Variants in PSAP observed in about 807,000 individuals in gnomAD.
PSAP encodes precursor of saposins.
PSAP carries 25 observed loss-of-function variants against 66.0 expected under a neutral mutation model. The ratio of observed to expected loss-of-function variants is 0.38; its 90% CI spans 0.28 to 0.53. PSAP has a LOEUF of 0.53. PSAP is among the 20% of genes least tolerant of loss of function. PSAP has a pLI of 0.83. For missense variants in PSAP, 649 were observed against 668.8 expected (o/e 0.97, Z 0.33); for synonymous variants, 273 against 258.9 (o/e 1.05, Z -0.52).
rs2133031103 is a variant in PSAP, at chr10:71,819,612, A to T, written c.1203T>A (p.Thr401=). 6.2e-7 allele frequency: 1 copy of T among 1,614,208 alleles called. No individual in the cohort carries two copies. Among genetic ancestry groups the T allele is most frequent in the Non-Finnish European group, 8.5e-7 (1 of 1,180,044 alleles). ...CGCAGAAGCCACCGTCCTTTGGCTG[A>T]GTCACGTGAACTACATAAGAGGGCA... ...TRLPALTVHV[T]QPKDGGFCEV... is the part of the protein sequence containing the mutation. The change falls in exon 11 of 14, where the codon ACT becomes ACA. Residue 401 remains threonine (T), a synonymous_variant. Coordinates refer to ENST00000394936, the MANE Select transcript of PSAP (RefSeq NM_002778.4).
chr10:71,825,934 C>G (rs1249411527), intron 6 of PSAP, 41 bp from the exon 7 acceptor site: 1 of 1,566,770 alleles, frequency 6.4e-7, no homozygotes, highest in Admixed American at 1.7e-5. Flanking sequence ...ATCACTGCAA[C>G]AATGCACCAA....
At chr10:71,835,088 A>G (rs1037081303) in intron 1 of PSAP, among the ~76,000 whole-genome samples, 1 of 152,098 alleles carries the variant, frequency 6.6e-6, no homozygotes, top group African/African-American at 2.4e-5. Context: ...TACAAAAAAA[A>G]ACAATTAGCC....
intron 13 of PSAP, among the ~76,000 whole-genome samples, chr10:71,817,928 CT>C (rs1842208719): frequency 6.6e-6 from 1 of 152,236 alleles, no homozygotes; most frequent in South Asian, 2.1e-4. Context: ...TGGAGATGGG[CT>C]GGAGCCTAGC....
intron 6 of PSAP, among the ~76,000 whole-genome samples, chr10:71,827,151 C>T (rs1391618155): frequency 2.0e-5 from 3 of 151,948 alleles, no homozygotes. Context: ...AATCCCAGCA[C>T]TTTGGGAGGC....
chr10:71,836,245 G>A (rs1842626163), intron 1 of PSAP, among the ~76,000 whole-genome samples: 1 of 152,186 alleles, frequency 6.6e-6, no homozygotes, highest in Non-Finnish European at 1.5e-5. Context: ...GAAAACATGT[G>A]CCAGATGCAA....
chr10:71,835,948 C>T (rs1021003618), intron 1 of PSAP, among the ~76,000 whole-genome samples: 3 of 152,028 alleles, frequency 2.0e-5, no homozygotes, highest in African/African-American at 4.8e-5. Context: ...ATAGGAAACA[C>T]GTGTTGTATA....
intron 5 of PSAP, 77 bp downstream of exon 5, chr10:71,828,800 T>C: frequency 6.6e-7 from 1 of 1,517,264 alleles, no homozygotes; most frequent in Non-Finnish European, 9.1e-7. Context: ...GAACCACACG[T>C]GCCCTCTCTG....
rs755445146 is a variant in PSAP, at chr10:71,821,923, C to A, written c.862G>T (p.Ala288Ser). Residue 288 changes from alanine (A) to serine (S), a missense_variant, in exon 8 of 14, where the codon GCC (alanine) becomes TCC (serine). Coordinates refer to ENST00000394936, the MANE Select transcript of PSAP (RefSeq NM_002778.4). Reference protein sequence around the residue: ...PMQTLVPAKVASKNVIPALEL... With the variant: ...PMQTLVPAKVSSKNVIPALEL... ...AGGGCAGGGATGACATTCTTGGAGGCCACTTTGGCGGGGACCAGAGTCTGC... is the reference window on the plus strand; with the variant it reads ...AGGGCAGGGATGACATTCTTGGAGGACACTTTGGCGGGGACCAGAGTCTGC... The A allele has an allele frequency of 1.2e-6, 2 of 1,614,186 alleles. No homozygotes were observed. Among genetic ancestry groups the A allele is most frequent in the Non-Finnish European group, 1.7e-6 (2 of 1,180,042 alleles).
chr10:71,818,116 G>T (rs1589445323), intron 13 of PSAP, among the ~76,000 whole-genome samples: 1 of 152,366 alleles, frequency 6.6e-6, no homozygotes, highest in South Asian at 2.1e-4. Context: ...CAGGGAAGCA[G>T]CACAAGTCAC....
In PSAP at chr10:71,829,007, T is replaced by C. The variant is rs376293781; in HGVS notation, c.446A>G (p.Asn149Ser). ...ATTGGACTCCAGCTGCTTCTGGTGATTCAGCTCTGCTAGGTGCTTCTGGAG... is the reference window on the plus strand; with the variant it reads ...ATTGGACTCCAGCTGCTTCTGGTGACTCAGCTCTGCTAGGTGCTTCTGGAG... ...ESLQKHLAEL[N>S]HQKQLESNKI... Residue 149 changes from asparagine (N) to serine (S), a missense_variant, in exon 5 of 14, where the codon AAT (asparagine) becomes AGT (serine). By Grantham distance (46) the Asn-to-Ser change is conservative. Coordinates refer to ENST00000394936, the MANE Select transcript of PSAP (RefSeq NM_002778.4). 30 of 1,614,002 alleles carry C rather than the reference T, an allele frequency of 1.9e-5. No individual in the cohort carries two copies. Among genetic ancestry groups the C allele is most frequent in the Non-Finnish European group, 2.4e-5 (28 of 1,179,998 alleles).
At chr10:71,832,030 C>T in intron 2 of PSAP, 110 bp from the exon 3 acceptor site, 2 of 1,075,796 alleles carry the variant, frequency 1.9e-6, no homozygotes, top group South Asian at 1.3e-5. Flanking sequence ...GGGATATGAT[C>T]ATGACCGCGC....
chr10:71,819,885 C>T lies in PSAP; in HGVS notation c.1021G>A (p.Ala341Thr), dbSNP rs773974315. 4.3e-6 allele frequency: 7 copies of T among 1,614,084 alleles called. No homozygotes were observed. In the South Asian group the frequency reaches 5.5e-5, roughly 13 times the overall value. ...AGCTTCGAGCACATTTTGTCAAAAGCGTCGAGTATTTCTTTCTGAAACACA... is the reference window on the plus strand; with the variant it reads ...AGCTTCGAGCACATTTTGTCAAAAGTGTCGAGTATTTCTTTCTGAAACACA... Reference protein sequence around the residue: ...NNKTEKEILDAFDKMCSKLPK... With the variant: ...NNKTEKEILDTFDKMCSKLPK... Residue 341 changes from alanine (A) to threonine (T), a missense_variant, in exon 10 of 14, where the codon GCT (alanine) becomes ACT (threonine). Physicochemically the swap from Ala to Thr is moderately conservative, Grantham distance 58. Coordinates refer to ENST00000394936, the MANE Select transcript of PSAP (RefSeq NM_002778.4).
At chr10:71,829,537 T>C (rs1349410488) in intron 4 of PSAP, among the ~76,000 whole-genome samples, 10 of 152,202 alleles carry the variant, frequency 6.6e-5, no homozygotes, top group South Asian at 2.1e-4. Context: ...CTCCTTCACC[T>C]TCCACCATGA....
At chr10:71,835,311 G>A (rs539846934) in intron 1 of PSAP, among the ~76,000 whole-genome samples, 6 of 152,036 alleles carry the variant, frequency 3.9e-5, no homozygotes, top group Admixed American at 6.5e-5. Flanking sequence ...GCCAGCTGCC[G>A]GTGGCTCATG....
At chr10:71,847,807 A>T (rs1224465494) in intron 1 of PSAP, among the ~76,000 whole-genome samples, 1 of 152,232 alleles carries the variant, frequency 6.6e-6, no homozygotes, top group Non-Finnish European at 1.5e-5. Context: ...TTTATCCAAA[A>T]TCCCTGACAG....
chr10:71,851,033 G>C (rs995660954), intron 1 of PSAP, 149 bp downstream of exon 1: 12 of 932,572 alleles, frequency 1.3e-5, no homozygotes, highest in Middle Eastern at 3.2e-4. Context: ...GAAAGCCAGA[G>C]AAAGCCAGCG....
intron 7 of PSAP, 138 bp from the exon 8 acceptor site, chr10:71,822,145 G>A (rs958375898): frequency 4.2e-5 from 49 of 1,163,142 alleles, no homozygotes; most frequent in Middle Eastern, 4.0e-4. Flanking sequence ...CTCCCACAAC[G>A]GGGCAGATTC....
At chr10:71,843,491 T>C (rs962570348) in intron 1 of PSAP, among the ~76,000 whole-genome samples, 3 of 152,216 alleles carry the variant, frequency 2.0e-5, no homozygotes, top group African/African-American at 7.2e-5. Flanking sequence ...TGACAAATAC[T>C]GGCCAAAAGA....
chr10:71,829,042 G>A lies in PSAP; in HGVS notation c.411C>T (p.Leu137=). ...CTAGGTGCTTCTGGAGAGACTCGCA[G>A]AGGTTGAGAGCAGAGCACACCTCCC... The part of the protein sequence containing the change: ...RPGEVCSALN[L]CESLQKHLAE... The change falls in exon 5 of 14, where the codon CTC becomes CTT. Residue 137 remains leucine, a synonymous_variant. Coordinates refer to ENST00000394936, the MANE Select transcript of PSAP (RefSeq NM_002778.4). The A allele has an allele frequency of 1.1e-5, 17 of 1,614,188 alleles. No individual in the cohort carries two copies. The highest frequency in any genetic ancestry group is 1.4e-5 in the Non-Finnish European group (17 of 1,180,032).
Sources: gnomAD v4.1 joint callset for allele counts (sites outside exome capture counted in the v4.1 genomes callset) on GRCh38, gnomAD v4.1.1 for gene constraint, MANE v1.5 for transcripts, NCBI Gene and HGNC (gene_info 2026-07-23, HGNC 2026-07-21) for gene names.